LINGO2: variants seen among roughly 807,000 people sequenced by gnomAD.
LINGO2 encodes leucine-rich repeat and immunoglobulin-like domain-containing nogo receptor-interacting protein 2.
In LINGO2, 14 loss-of-function variants were observed where a neutral mutation model predicts 30.6. The ratio of observed to expected loss-of-function variants is 0.46; its 90% CI spans 0.30 to 0.72. The LOEUF is 0.72. LINGO2 is among the 30% of genes least tolerant of loss of function. The pLI is 0.07. For missense variants in LINGO2, 729 were observed against 751.7 expected (o/e 0.97, Z 0.35); for synonymous variants, 317 against 288.5 (o/e 1.10, Z -1.00).
At chr9:28,533,334 T>C (rs949899762) in intron 1 of LINGO2, among the ~76,000 whole-genome samples, 1 of 152,104 alleles carries the variant, frequency 6.6e-6, no homozygotes, top group African/African-American at 2.4e-5. Context: ...TTTTGAAGTT[T>C]GGGGACTCAG....
At chr9:28,459,716 C>G (rs777667905) in intron 2 of LINGO2, among the ~76,000 whole-genome samples, 22 of 151,566 alleles carry the variant, frequency 1.5e-4, no homozygotes, top group Non-Finnish European at 1.2e-4. Flanking sequence ...TATTATTTAT[C>G]AAATAAATAA....
At chr9:28,807,423 A>G in the LINGO2 span, among the ~76,000 whole-genome samples, 1 of 152,304 alleles carries the variant, frequency 6.6e-6, no homozygotes, top group African/African-American at 2.4e-5. Flanking sequence ...GTAACTCAAT[A>G]TGATTTCATT....
At chr9:28,627,546 T>C (rs2135857713) in intron 1 of LINGO2, among the ~76,000 whole-genome samples, 1 of 152,156 alleles carries the variant, frequency 6.6e-6, no homozygotes, top group East Asian at 1.9e-4. Flanking sequence ...AAAGCCAAGA[T>C]CACTATAGGT....
chr9:28,409,620 GGT>G (rs150611305), intron 2 of LINGO2, among the ~76,000 whole-genome samples: 71,836 of 146,030 alleles, frequency 0.49, 20,315 homozygotes, highest in Non-Finnish European at 0.65. Context: ...GATGTGCAGG[GGT>G]GTGTGTGTGT....
At chr9:28,687,325 A>C in the LINGO2 span, among the ~76,000 whole-genome samples, 28 of 152,252 alleles carry the variant, frequency 1.8e-4, no homozygotes, top group African/African-American at 6.7e-4. Flanking sequence ...ATTTAAGCCT[A>C]AGTGTAGGAT....
At chr9:28,101,958 T>G (rs1319981739) in intron 4 of LINGO2, among the ~76,000 whole-genome samples, 1 of 152,144 alleles carries the variant, frequency 6.6e-6, no homozygotes, top group Non-Finnish European at 1.5e-5. Context: ...TAAACCCTCA[T>G]GAACATGCTG....
the LINGO2 span, among the ~76,000 whole-genome samples, chr9:29,191,471 G>GT: frequency 6.0e-3 from 891 of 149,210 alleles, 4 homozygotes; most frequent in African/African-American, 0.018. Context: ...TTTTGTTTCT[G>GT]TTTTTTTTTG....
At chr9:28,950,387 C>T in the LINGO2 span, among the ~76,000 whole-genome samples, 1 of 152,150 alleles carries the variant, frequency 6.6e-6, no homozygotes, top group Non-Finnish European at 1.5e-5. Flanking sequence ...ATCGGAAGTT[C>T]TGGCCAGGGC....
intron 4 of LINGO2, among the ~76,000 whole-genome samples, chr9:28,023,992 T>C (rs1823258590): frequency 2.0e-5 from 3 of 152,158 alleles, no homozygotes; most frequent in Non-Finnish European, 4.4e-5. Flanking sequence ...GGATTCACCT[T>C]TCTGTTTAGA....
In LINGO2 at chr9:28,130,952, A is replaced by G. The variant is rs927617538; in HGVS notation, c.-86-118547T>C. 2.0e-5 allele frequency among the ~76,000 whole-genome samples: 3 copies of G among 152,108 alleles called. No individual in the cohort carries two copies. Among genetic ancestry groups the G allele is most frequent in the African/African-American group, 7.2e-5 (3 of 41,424 alleles). ...ATAGCCTGTATGATAGACAAACTGG[A>G]AAACTTTGGATTTCCCAACAATGTA... On this transcript the variant is annotated intron_variant, in intron 4 of 5. Transcript: ENST00000379992. The surrounding 1 kb of genome is among the most constrained non-coding windows in gnomAD (Gnocchi z 5.2).
Position 28,056,098 on chromosome 9 carries a change from C to T in LINGO2, c.-86-43693G>A, listed in dbSNP as rs545260488. 8.8e-4 allele frequency among the ~76,000 whole-genome samples: 134 copies of T among 152,264 alleles called. 1 individual carries two copies. The highest frequency in any genetic ancestry group is 3.0e-3 in the African/African-American group (126 of 41,566). On this transcript the variant is annotated intron_variant, in intron 4 of 5. Transcript: ENST00000379992. Reference sequence around the variant, plus strand: ...AAAGGAGCTCCCCGCTTTCAGTGAGCAAAGGCAACCTCTGAGCGTCTACCG... The same window carrying T: ...AAAGGAGCTCCCCGCTTTCAGTGAGTAAAGGCAACCTCTGAGCGTCTACCG...
chr9:28,465,761 T>C (rs922501436), intron 2 of LINGO2, among the ~76,000 whole-genome samples: 6 of 152,064 alleles, frequency 3.9e-5, no homozygotes, highest in Non-Finnish European at 7.4e-5. Context: ...AACAGCACTA[T>C]AGGAAAAAAT....
the LINGO2 span, among the ~76,000 whole-genome samples, chr9:28,792,859 A>G: frequency 2.0e-5 from 3 of 152,174 alleles, no homozygotes; most frequent in African/African-American, 7.2e-5. Flanking sequence ...TAAGCTTCTG[A>G]TAATAAGTTC....
the LINGO2 span, among the ~76,000 whole-genome samples, chr9:28,775,884 T>TA: frequency 6.6e-6 from 1 of 152,330 alleles, no homozygotes; most frequent in African/African-American, 2.4e-5. Flanking sequence ...TGGTGACATC[T>TA]TTAATGAGAA....
At chr9:28,174,886 G>A (rs959034287) in intron 4 of LINGO2, among the ~76,000 whole-genome samples, 1 of 141,796 alleles carries the variant, frequency 7.1e-6, no homozygotes, top group Non-Finnish European at 1.5e-5. Flanking sequence ...GAGAGAAAGA[G>A]AATTTGTGTC....
chr9:28,760,945 T>TACGCACACACATAC, the LINGO2 span, among the ~76,000 whole-genome samples: 1 of 136,168 alleles, frequency 7.3e-6, no homozygotes. Context: ...TATATATATA[T>TACGCACACACATAC]ACACACACAC....
chr9:28,232,056 G>A (rs749696331), intron 4 of LINGO2, among the ~76,000 whole-genome samples: 2 of 151,972 alleles, frequency 1.3e-5, no homozygotes, highest in Non-Finnish European at 2.9e-5. Context: ...CTAAAACTAT[G>A]TCTCTTATAT....
chr9:28,742,268 C>CTT, the LINGO2 span, among the ~76,000 whole-genome samples: 2,184 of 20,140 alleles, frequency 0.11, 31 homozygotes, highest in Non-Finnish European at 0.25. Context: ...CCTACTCTGC[C>CTT]TTTTTTTTTT....
intron 2 of LINGO2, among the ~76,000 whole-genome samples, chr9:28,468,675 T>A (rs535033989): frequency 6.6e-6 from 1 of 152,310 alleles, no homozygotes; most frequent in South Asian, 2.1e-4. Flanking sequence ...ATACAGGTTT[T>A]TAGGAGCTCT....
Sources: gnomAD v4.1 joint callset for allele counts (sites outside exome capture counted in the v4.1 genomes callset) on GRCh38, gnomAD v4.1.1 for gene constraint, Gnocchi (gnomAD v3.1) non-coding constraint, MANE v1.5 for transcripts, NCBI Gene and HGNC (gene_info 2026-07-23, HGNC 2026-07-21) for gene names.